SND1: variants seen among roughly 807,000 people sequenced by gnomAD.
SND1 encodes the protein staphylococcal nuclease domain-containing protein 1.
In SND1, 38 loss-of-function variants were observed where a neutral mutation model predicts 121.7. The observed-to-expected ratio is 0.31, with a 90% CI of 0.24 to 0.41. SND1 has a LOEUF of 0.41. SND1 is among the 10% of genes least tolerant of loss of function. SND1 has a pLI of 1.00. For synonymous variants in SND1, 401 were observed against 447.4 expected (o/e 0.90, Z 1.31); for missense variants, 868 against 1,184.6 (o/e 0.73, Z 3.92).
intron 1 of SND1, among the ~76,000 whole-genome samples, chr7:127,656,330 T>C (rs1795209265): frequency 6.6e-6 from 1 of 151,350 alleles, no homozygotes; most frequent in Non-Finnish European, 1.5e-5. Flanking sequence ...CTTTCTTTTT[T>C]TTTTTTTTTT....
intron 15 of SND1, among the ~76,000 whole-genome samples, chr7:127,956,453 T>C (rs1256720971): frequency 6.6e-6 from 1 of 152,186 alleles, no homozygotes; most frequent in East Asian, 1.9e-4. Flanking sequence ...TTTAATTAAC[T>C]CTCTTTAGCT....
intron 14 of SND1, among the ~76,000 whole-genome samples, chr7:127,908,356 GT>G (rs1800388652): frequency 6.6e-6 from 1 of 150,490 alleles, no homozygotes; most frequent in Non-Finnish European, 1.5e-5. Context: ...GTGTGTGTGT[GT>G]GTGCGTGCGT....
rs1796094424 is a variant in SND1, at chr7:127,701,243, C to T, written c.509C>T (p.Ser170Leu). The T allele has an allele frequency of 6.2e-7, 1 of 1,613,908 alleles. No individual in the cohort carries two copies. Among genetic ancestry groups the T allele is most frequent in the South Asian group, 1.1e-5 (1 of 91,082 alleles). ...GGGATGTGGAGTGAGGGGAACGGTT[C>T]ACATACTATCCGGGATCTCAAGTAT... ...KKGMWSEGNG[S>L]HTIRDLKYTI... Residue 170 changes from serine (S) to leucine (L), a missense_variant, in exon 5 of 24, where the codon TCA (serine) becomes TTA (leucine). Physicochemically the swap from Ser to Leu is moderately radical, Grantham distance 145. Transcript: ENST00000354725.
chr7:127,796,247 A>T (rs1459164677), intron 10 of SND1, among the ~76,000 whole-genome samples: 1 of 152,128 alleles, frequency 6.6e-6, no homozygotes, highest in Non-Finnish European at 1.5e-5. Context: ...AAGCGCCTTC[A>T]TTCTATGAAT....
intron 11 of SND1, among the ~76,000 whole-genome samples, chr7:127,832,910 A>C (rs762319605): frequency 6.6e-6 from 1 of 152,322 alleles, no homozygotes; most frequent in African/African-American, 2.4e-5. Flanking sequence ...CGAGGGATCT[A>C]GGTCTCATGC....
chr7:127,889,694 T>C (rs796974883), intron 13 of SND1, among the ~76,000 whole-genome samples: 8 of 152,154 alleles, frequency 5.3e-5, no homozygotes, highest in African/African-American at 1.7e-4. Context: ...TCCCAGCCTT[T>C]GGTAACCTCT....
chr7:128,077,421 G>T (rs891114763), intron 17 of SND1, among the ~76,000 whole-genome samples: 1 of 152,200 alleles, frequency 6.6e-6, no homozygotes, highest in Admixed American at 6.5e-5. Context: ...CAGGGTGGCC[G>T]CAGCAACAGA....
chr7:127,662,570 T>C (rs1795333253), intron 1 of SND1, among the ~76,000 whole-genome samples: 1 of 152,170 alleles, frequency 6.6e-6, no homozygotes, highest in South Asian at 2.1e-4. Context: ...GTGGTTGGGG[T>C]GCTTTACTTG....
intron 16 of SND1, among the ~76,000 whole-genome samples, chr7:128,046,238 TA>T (rs1562881191): frequency 1.3e-5 from 2 of 151,996 alleles, no homozygotes; most frequent in Admixed American, 6.6e-5. Context: ...GCTGGGACTA[TA>T]GATGGGTGCC....
At chr7:127,680,010 G>A (rs922909626) in intron 1 of SND1, among the ~76,000 whole-genome samples, 7 of 151,950 alleles carry the variant, frequency 4.6e-5, no homozygotes, top group African/African-American at 9.7e-5. Context: ...CCTAAGCGTC[G>A]GCTGGTTTGA....
intron 16 of SND1, chr7:128,028,788 C>T: frequency 6.2e-7 from 1 of 1,614,014 alleles, no homozygotes; most frequent in Non-Finnish European, 8.5e-7. Context: ...GTTTTCTGTC[C>T]AGTGGGCCCC....
chr7:128,030,607 G>C (rs755779022), intron 16 of SND1: 1 of 1,581,796 alleles, frequency 6.3e-7, no homozygotes, highest in Non-Finnish European at 8.6e-7. Context: ...TTCCAGGTGT[G>C]GTGGTGCACA....
intron 9 of SND1, among the ~76,000 whole-genome samples, chr7:127,715,449 T>C (rs900333554): frequency 1.3e-5 from 2 of 152,076 alleles, no homozygotes; most frequent in Non-Finnish European, 2.9e-5. Context: ...AATAGGAAGT[T>C]TTTCAGCCCT....
intron 16 of SND1, among the ~76,000 whole-genome samples, chr7:128,026,890 A>G (rs1803491603): frequency 6.6e-6 from 1 of 152,258 alleles, no homozygotes; most frequent in African/African-American, 2.4e-5. Flanking sequence ...GCTTTTATTT[A>G]AGCTAAGGAA....
chr7:127,963,990 T>C (rs1028098703), intron 15 of SND1, among the ~76,000 whole-genome samples: 1 of 151,862 alleles, frequency 6.6e-6, no homozygotes, highest in African/African-American at 2.4e-5. Flanking sequence ...TGATTTGCAT[T>C]TCTCTGATGG....
At chr7:127,912,052 G>C (rs1276807678) in intron 14 of SND1, among the ~76,000 whole-genome samples, 1 of 152,020 alleles carries the variant, frequency 6.6e-6, no homozygotes, top group Non-Finnish European at 1.5e-5. Flanking sequence ...GGGCTCAAGA[G>C]ATCCTCCTGC....
At chr7:127,659,064 A>G (rs1320581653) in intron 1 of SND1, among the ~76,000 whole-genome samples, 2 of 152,234 alleles carry the variant, frequency 1.3e-5, no homozygotes, top group Non-Finnish European at 2.9e-5. Context: ...TATCAGGGAA[A>G]ACAAATGCAA....
At chr7:127,879,500 G>A (rs980108764) in intron 12 of SND1, among the ~76,000 whole-genome samples, 3 of 152,058 alleles carry the variant, frequency 2.0e-5, no homozygotes, top group African/African-American at 7.2e-5. Flanking sequence ...GAATCCTGTG[G>A]TGACCTTCCT....
At chr7:127,686,587 A>G (rs1795816200) in intron 1 of SND1, 26 bp from the exon 2 acceptor site, 3 of 1,607,642 alleles carry the variant, frequency 1.9e-6, no homozygotes, top group East Asian at 2.2e-5. Flanking sequence ...TGGACCATTC[A>G]TTTTCTCTTT....
Sources: gnomAD v4.1 joint callset for allele counts (sites outside exome capture counted in the v4.1 genomes callset) on GRCh38, gnomAD v4.1.1 for gene constraint, MANE v1.5 for transcripts, NCBI Gene and HGNC (gene_info 2026-07-23, HGNC 2026-07-21) for gene names.